Variants in DCC observed in about 807,000 individuals in gnomAD.
DCC encodes the protein DCC netrin 1 receptor, also known as netrin receptor DCC.
In DCC, 58 loss-of-function variants were observed where a neutral mutation model predicts 172.5. The ratio of observed to expected loss-of-function variants is 0.34; its 90% CI spans 0.27 to 0.42. The LOEUF (loss-of-function observed/expected upper bound fraction) is 0.42. Ranked by LOEUF, DCC falls within the 10% of genes least tolerant of loss-of-function variation. DCC has a pLI of 1.00. For missense variants in DCC, 1,740 were observed against 1,791.0 expected, an observed-to-expected ratio of 0.97 and a Z score of 0.51; for synonymous variants, 709 against 644.5, an observed-to-expected ratio of 1.10 and a Z score of -1.52.
intron 9 of DCC, among the ~76,000 whole-genome samples, chr18:53,187,360 T>C (rs1230848416): frequency 2.6e-5 from 4 of 151,840 alleles, no homozygotes; most frequent in Non-Finnish European, 5.9e-5. Context: ...CTGACCTCAT[T>C]ATCTGTCTGC....
chr18:53,427,922 T>TATATA lies in DCC; in HGVS notation c.3164-7206_3164-7202dup, dbSNP rs368231881. Among the ~76,000 whole-genome samples, 3 of 74,698 alleles carry TATATA rather than the reference T, an allele frequency of 4.0e-5. 1 individual carries two copies. The highest frequency in any genetic ancestry group is 8.4e-5 in the African/African-American group (2 of 23,692). 49.0% of individuals were successfully genotyped at this position (74,698 alleles called of 152,430 possible). A position where few individuals can be genotyped will look rare whatever the true frequency, so the allele number is the denominator to read the frequency against. On this transcript the variant is annotated intron_variant, in intron 21 of 28. Transcript: ENST00000442544. Reference sequence around the variant, plus strand: ...TTATATATAATATATAATAATATAATATATAATATAATATAATATATTATA... The same window carrying TATATA: ...TTATATATAATATATAATAATATAATATATAATATAATATAATATAATATATTATA...
intron 1 of DCC, among the ~76,000 whole-genome samples, chr18:52,383,064 CCATTA>C (rs758947791): frequency 5.0e-4 from 76 of 152,164 alleles, no homozygotes; most frequent in Non-Finnish European, 9.4e-4. Flanking sequence ...TAATTCTTCA[CCATTA>C]CACACGATGC....
chr18:53,487,944 A>G (rs2144368194), intron 26 of DCC, among the ~76,000 whole-genome samples: 1 of 152,348 alleles, frequency 6.6e-6, no homozygotes, highest in African/African-American at 2.4e-5. Context: ...GACAACTGGA[A>G]ATGGAATTCC....
chr18:52,575,892 C>T (rs983715020), intron 1 of DCC, among the ~76,000 whole-genome samples: 1 of 152,108 alleles, frequency 6.6e-6, no homozygotes, highest in African/African-American at 2.4e-5. Flanking sequence ...GGTAGTGGAA[C>T]AATTGCAGAC....
chr18:52,766,527 C>G (rs538807305), intron 2 of DCC, among the ~76,000 whole-genome samples: 1 of 152,054 alleles, frequency 6.6e-6, no homozygotes. Context: ...GAAAGTGGCT[C>G]TCGGTGGGAA....
intron 1 of DCC, among the ~76,000 whole-genome samples, chr18:52,588,237 G>A (rs2033721698): frequency 6.6e-5 from 10 of 152,162 alleles, no homozygotes. Context: ...CCTGCCAAAG[G>A]CTCCAAACAG....
At chr18:53,328,119 G>A (rs756689857) in intron 14 of DCC, among the ~76,000 whole-genome samples, 4 of 152,210 alleles carry the variant, frequency 2.6e-5, no homozygotes, top group Non-Finnish European at 5.9e-5. Flanking sequence ...GAATCTCAAA[G>A]TTCCACTGTA....
intron 23 of DCC, among the ~76,000 whole-genome samples, chr18:53,452,708 C>T (rs576435588): frequency 6.6e-6 from 1 of 152,236 alleles, no homozygotes; most frequent in African/African-American, 2.4e-5. Context: ...TGTAGAGTCA[C>T]TTTGGTTTTT....
At chr18:53,243,336 T>C (rs1194156423) in intron 12 of DCC, among the ~76,000 whole-genome samples, 2 of 152,126 alleles carry the variant, frequency 1.3e-5, no homozygotes, top group African/African-American at 2.4e-5. Context: ...GAGAAACATA[T>C]CAATCCAAAC....
intron 21 of DCC, among the ~76,000 whole-genome samples, chr18:53,429,073 TATATATTTTATATA>T (rs1372048840): frequency 6.9e-4 from 31 of 45,058 alleles, no homozygotes; most frequent in Admixed American, 2.4e-3. Context: ...TTATATATAA[TATATATTTTATATA>T]ATATATATTT....
At chr18:52,450,441 C>A (rs562011806) in intron 1 of DCC, among the ~76,000 whole-genome samples, 3 of 152,170 alleles carry the variant, frequency 2.0e-5, no homozygotes, top group African/African-American at 7.2e-5. Flanking sequence ...TGGGAAGGTC[C>A]AGACTAATGG....
At chr18:53,415,906 G>A (rs1022349624) in intron 20 of DCC, among the ~76,000 whole-genome samples, 9 of 151,892 alleles carry the variant, frequency 5.9e-5, no homozygotes, top group Non-Finnish European at 1.0e-4. Context: ...ATAATTTTAG[G>A]ATGAATTTGT....
chr18:52,859,648 G>A (rs182992642), intron 2 of DCC, among the ~76,000 whole-genome samples: 1 of 152,242 alleles, frequency 6.6e-6, no homozygotes, highest in Admixed American at 6.5e-5. Flanking sequence ...TTCTAAATCT[G>A]GACTAGAGAA....
At chr18:52,358,970 G>T (rs1237152299) in intron 1 of DCC, among the ~76,000 whole-genome samples, 2 of 152,144 alleles carry the variant, frequency 1.3e-5, no homozygotes, top group African/African-American at 4.8e-5. Flanking sequence ...CATACTGCTT[G>T]TGTCTTCCAA....
chr18:53,223,175 A>G (rs1372288111), intron 12 of DCC, among the ~76,000 whole-genome samples: 1 of 152,080 alleles, frequency 6.6e-6, no homozygotes, highest in Non-Finnish European at 1.5e-5. Flanking sequence ...TTAGGAAAAC[A>G]TTTTCTAGAC....
Position 53,085,991 on chromosome 18 carries a change from C to CTT in DCC, c.1261+19825_1261+19826insTT, listed in dbSNP as rs2042875697. Among the ~76,000 whole-genome samples the CTT allele has an allele frequency of 1.4e-4, 5 of 36,764 alleles. 1 individual carries two copies. Among genetic ancestry groups the CTT allele is most frequent in the African/African-American group, 1.2e-3 (4 of 3,344 alleles). 24.1% of individuals were successfully genotyped at this position (36,764 alleles called of 152,430 possible). A position where few individuals can be genotyped will look rare whatever the true frequency, so the allele number is the denominator to read the frequency against. On this transcript the variant is annotated intron_variant, in intron 7 of 28. Transcript: ENST00000442544. ...TTCTTCTTCTTCTTCTTCTTCTTCT[C>CTT]CTTCTCCTTCTTCTCCTTCTCCTTC...
intron 1 of DCC, among the ~76,000 whole-genome samples, chr18:52,478,198 T>A (rs929117751): frequency 2.0e-5 from 3 of 151,636 alleles, no homozygotes; most frequent in Admixed American, 6.6e-5. Flanking sequence ...TAATTTCTCT[T>A]GATTTTTTAT....
chr18:52,550,696 T>C (rs745699603), intron 1 of DCC, among the ~76,000 whole-genome samples: 4 of 152,058 alleles, frequency 2.6e-5, no homozygotes, highest in South Asian at 2.1e-4. Context: ...ATGAGGATAG[T>C]TGAAATCCAT....
chr18:53,482,751 T>G (rs190675285), intron 25 of DCC, among the ~76,000 whole-genome samples: 1 of 152,088 alleles, frequency 6.6e-6, no homozygotes, highest in African/African-American at 2.4e-5. Flanking sequence ...CTGGGAATGT[T>G]TTGCAATCTA....
Sources: allele counts gnomAD v4.1 joint callset (sites outside exome capture counted in the v4.1 genomes callset), GRCh38; gene constraint gnomAD v4.1.1; transcripts MANE v1.5; gene names NCBI Gene and HGNC (gene_info 2026-07-23, HGNC 2026-07-21).